Variants in COLGALT2 observed in about 807,000 individuals in gnomAD.
COLGALT2 encodes the protein procollagen galactosyltransferase 2.
Under a neutral mutation model 73.4 loss-of-function variants are expected in COLGALT2, and 49 were observed. The ratio of observed to expected loss-of-function variants is 0.67; its 90% CI spans 0.53 to 0.85. The LOEUF (loss-of-function observed/expected upper bound fraction) is 0.85, where lower values mean the gene tolerates loss of function less well. COLGALT2 is among the 40% of genes least tolerant of loss of function. The pLI, the probability that COLGALT2 is intolerant of heterozygous loss-of-function variation, is 0.00. For missense variants in COLGALT2, 722 were observed against 790.2 expected, an observed-to-expected ratio of 0.91 and a Z score of 1.03; for synonymous variants, 295 against 307.6, an observed-to-expected ratio of 0.96 and a Z score of 0.43.
chr1:183,933,670 C>T (rs1669889070), downstream of COLGALT2, among the ~76,000 whole-genome samples: 2 of 152,106 alleles, frequency 1.3e-5, no homozygotes, highest in Admixed American at 6.5e-5. Context: ...AATCAAATTC[C>T]CCCACTAGTA....
At chr1:183,973,338 A>T (rs2102815934) in intron 4 of COLGALT2, among the ~76,000 whole-genome samples, 2 of 152,310 alleles carry the variant, frequency 1.3e-5, no homozygotes, top group East Asian at 3.9e-4. Flanking sequence ...AGAATTAATT[A>T]AAAATAGTAA....
At chr1:183,961,267 T>G (rs928290739) in intron 6 of COLGALT2, among the ~76,000 whole-genome samples, 1 of 152,222 alleles carries the variant, frequency 6.6e-6, no homozygotes, top group Non-Finnish European at 1.5e-5. Flanking sequence ...TCAAATGAAC[T>G]CTACCTGGCT....
At chr1:183,953,811 C>A (rs192492457) in intron 7 of COLGALT2, among the ~76,000 whole-genome samples, 2 of 152,160 alleles carry the variant, frequency 1.3e-5, no homozygotes, top group Non-Finnish European at 2.9e-5. Context: ...ATCAGTCTTA[C>A]GGAAGAAATC....
At chr1:183,967,353 A>T (rs1670908678) in intron 5 of COLGALT2, among the ~76,000 whole-genome samples, 1 of 152,242 alleles carries the variant, frequency 6.6e-6, no homozygotes, top group Non-Finnish European at 1.5e-5. Context: ...ACAGAAGGAA[A>T]CACTTGGGAG....
intron 1 of COLGALT2, among the ~76,000 whole-genome samples, chr1:183,979,402 G>T (rs987940153): frequency 2.6e-5 from 4 of 151,740 alleles, no homozygotes; most frequent in Non-Finnish European, 4.4e-5. Context: ...TGACAAAGAA[G>T]GAGACTTTAT....
At chr1:183,995,576 G>C (rs982264466) in intron 1 of COLGALT2, among the ~76,000 whole-genome samples, 2 of 152,234 alleles carry the variant, frequency 1.3e-5, no homozygotes, top group African/African-American at 2.4e-5. Context: ...GCCACGTCAG[G>C]CTAGCAAGCG....
In COLGALT2 at chr1:183,951,103, A is replaced by C. The variant is rs1305137575; in HGVS notation, c.1040T>G (p.Ile347Arg). 3 of 1,612,032 alleles carry C rather than the reference A, an allele frequency of 1.9e-6. No individual in the cohort carries two copies. In the South Asian group the frequency reaches 3.3e-5, roughly 18 times the overall value. The change falls in exon 8 of 12, where the codon ATA becomes AGA. Residue 347 changes from isoleucine to arginine, a missense_variant. Ile to Arg is a moderately conservative substitution (Grantham distance 97, BLOSUM62 -3). Transcript: ENST00000361927. ...CCTGTCCTTTCTGCGTTTGAGGTTT[A>C]TCATGAAAATCTAATGCAAGAAGGA... Reference protein sequence around the residue: ...DKMGFDEIFMINLKRRKDRRD... With the variant: ...DKMGFDEIFMRNLKRRKDRRD...
intron 1 of COLGALT2, among the ~76,000 whole-genome samples, chr1:184,011,537 C>T (rs1648787954): frequency 6.6e-6 from 1 of 152,212 alleles, no homozygotes; most frequent in Non-Finnish European, 1.5e-5. Context: ...ATCCTCACTA[C>T]TCTGATTTAA....
chr1:184,022,220 A>G lies in COLGALT2; in HGVS notation c.263+14875T>C, dbSNP rs74131002. ...GATAAGACAGTTGAATTTCTACTAC[A>G]ATGACTAAAACTAATTACGTGAATA... On this transcript the variant is annotated intron_variant, in intron 1 of 11. Coordinates refer to ENST00000361927, the MANE Select transcript of COLGALT2 (RefSeq NM_015101.4). Among the ~76,000 whole-genome samples, 348 of 152,370 alleles carry G rather than the reference A, an allele frequency of 2.3e-3. 3 individuals are homozygous for G. The highest frequency in any genetic ancestry group is 7.6e-3 in the African/African-American group (318 of 41,594).
chr1:183,999,688 T>C (rs1671864325), intron 1 of COLGALT2, among the ~76,000 whole-genome samples: 1 of 152,120 alleles, frequency 6.6e-6, no homozygotes, highest in Non-Finnish European at 1.5e-5. Context: ...GTTATATGTA[T>C]TTCTCTCAGA....
intron 4 of COLGALT2, among the ~76,000 whole-genome samples, chr1:183,969,980 C>T (rs1670992291): frequency 1.3e-5 from 2 of 152,166 alleles, no homozygotes; most frequent in African/African-American, 4.8e-5. Flanking sequence ...TAAGGTAGAA[C>T]CTGAATAGTG....
chr1:183,967,498 C>T (rs1239562019), intron 5 of COLGALT2, among the ~76,000 whole-genome samples: 1 of 152,232 alleles, frequency 6.6e-6, no homozygotes, highest in Non-Finnish European at 1.5e-5. Context: ...TCCTGGTGAA[C>T]AGGCCAAGCA....
chr1:183,976,007 A>G (rs1671179640), intron 2 of COLGALT2, among the ~76,000 whole-genome samples: 1 of 152,236 alleles, frequency 6.6e-6, no homozygotes, highest in African/African-American at 2.4e-5. Flanking sequence ...AAAACTATGT[A>G]CAGCACAGGA....
chr1:183,996,130 C>T (rs1415087515), intron 1 of COLGALT2, among the ~76,000 whole-genome samples: 2 of 152,152 alleles, frequency 1.3e-5, no homozygotes, highest in African/African-American at 4.8e-5. Context: ...GAAAGACAGG[C>T]CATAAATGTT....
intron 4 of COLGALT2, among the ~76,000 whole-genome samples, chr1:183,970,581 G>T (rs1388502675): frequency 6.6e-6 from 1 of 152,166 alleles, no homozygotes; most frequent in Non-Finnish European, 1.5e-5. Context: ...CCATGATAAG[G>T]GAGGAGGATC....
Position 183,936,757 on chromosome 1 carries a change from A to G in COLGALT2, c.*2004T>C, listed in dbSNP as rs752003148. The G allele has an allele frequency of 1.1e-4, 139 of 1,231,012 alleles. No homozygotes were observed. The highest frequency in any genetic ancestry group is 1.4e-4 in the Non-Finnish European group (137 of 987,910). 76.3% of individuals were successfully genotyped at this position (1,231,012 alleles called of 1,614,324 possible). ...TTCTGTTTTTCTGGGGGTGGGTGGGAAAGGAAGTCACACTGACAGCTAAGT... is the reference window on the plus strand; with the variant it reads ...TTCTGTTTTTCTGGGGGTGGGTGGGGAAGGAAGTCACACTGACAGCTAAGT... On this transcript the variant is annotated 3_prime_UTR_variant, in exon 12 of 12. Coordinates refer to ENST00000361927, the MANE Select transcript of COLGALT2 (RefSeq NM_015101.4).
At chr1:183,930,534 G>A (rs927888777) in intron 11 of COLGALT2, among the ~76,000 whole-genome samples, 2 of 149,674 alleles carry the variant, frequency 1.3e-5, no homozygotes, top group African/African-American at 2.5e-5. Flanking sequence ...GACTACATCC[G>A]CAAGCCACCA....
chr1:184,003,766 ATACATTAT>A (rs998197098), intron 1 of COLGALT2, among the ~76,000 whole-genome samples: 38 of 152,260 alleles, frequency 2.5e-4, no homozygotes, highest in African/African-American at 8.4e-4. Flanking sequence ...TACCATGTAC[ATACATTAT>A]TACATTTTCC....
chr1:183,931,372 G>A (rs977991241), downstream of COLGALT2, among the ~76,000 whole-genome samples: 1 of 152,120 alleles, frequency 6.6e-6, no homozygotes, highest in South Asian at 2.1e-4. Context: ...TCTACTGAGG[G>A]TCAGAGCACT....
Sources: gnomAD v4.1 joint callset for allele counts (sites outside exome capture counted in the v4.1 genomes callset) on GRCh38, gnomAD v4.1.1 for gene constraint, MANE v1.5 for transcripts, NCBI Gene and HGNC (gene_info 2026-07-23, HGNC 2026-07-21) for gene names.